Variants in PTPRM observed in about 807,000 individuals in gnomAD.
PTPRM encodes the protein receptor-type tyrosine-protein phosphatase mu.
A neutral mutation model predicts 186.7 loss-of-function variants in PTPRM; 47 were observed. The ratio of observed to expected loss-of-function variants is 0.25; its 90% CI spans 0.20 to 0.32. The LOEUF is 0.32. Among genes scored for constraint, PTPRM ranks in the 10% least tolerant of loss-of-function variants. The probability of loss-of-function intolerance (pLI) is 1.00; values close to 1 mark genes in which losing one functional copy is unlikely to be tolerated. For missense variants in PTPRM, 1,494 were observed against 1,865.0 expected, an observed-to-expected ratio of 0.80 and a Z score of 3.66; for synonymous variants, 668 against 674.9, an observed-to-expected ratio of 0.99 and a Z score of 0.16.
intron 22 of PTPRM, among the ~76,000 whole-genome samples, chr18:8,326,087 A>T (rs1252264298): frequency 6.6e-6 from 1 of 152,140 alleles, no homozygotes; most frequent in Non-Finnish European, 1.5e-5. Flanking sequence ...CCTTTGTTGG[A>T]TGCATAGTTT....
intron 2 of PTPRM, among the ~76,000 whole-genome samples, chr18:7,858,090 G>T (rs2047178383): frequency 6.6e-6 from 1 of 152,070 alleles, no homozygotes; most frequent in Non-Finnish European, 1.5e-5. Context: ...GTTCATCATA[G>T]ATCTTATTAA....
intron 19 of PTPRM, among the ~76,000 whole-genome samples, chr18:8,281,152 G>A (rs753344974): frequency 2.6e-5 from 4 of 152,210 alleles, no homozygotes; most frequent in Non-Finnish European, 4.4e-5. Context: ...CGCAGCGGGC[G>A]TAGAAGCCAG....
chr18:8,381,122 G>A (rs767712669), intron 29 of PTPRM, among the ~76,000 whole-genome samples: 13 of 152,186 alleles, frequency 8.5e-5, no homozygotes, highest in Non-Finnish European at 1.8e-4. Context: ...ATTGGACAGT[G>A]ATGACTCAAT....
intron 7 of PTPRM, among the ~76,000 whole-genome samples, chr18:8,068,116 G>A (rs1421344621): frequency 6.6e-6 from 1 of 152,040 alleles, no homozygotes; most frequent in Non-Finnish European, 1.5e-5. Context: ...CAATTTTTAT[G>A]TCTATATATT....
intron 14 of PTPRM, among the ~76,000 whole-genome samples, chr18:8,228,513 G>GTA (rs2094243444): frequency 6.6e-6 from 1 of 152,062 alleles, no homozygotes; most frequent in African/African-American, 2.4e-5. Flanking sequence ...ATATGTGTGT[G>GTA]TATATGTATT....
chr18:7,769,205 G>T (rs2042159418), intron 1 of PTPRM, among the ~76,000 whole-genome samples: 1 of 152,026 alleles, frequency 6.6e-6, no homozygotes, highest in African/African-American at 2.4e-5. Flanking sequence ...GTATCTTCTT[G>T]GTCTCCAGTT....
intron 1 of PTPRM, among the ~76,000 whole-genome samples, chr18:7,576,336 T>A (rs902036514): frequency 6.6e-6 from 1 of 152,144 alleles, no homozygotes; most frequent in Non-Finnish European, 1.5e-5. Context: ...TTAGTGTGGG[T>A]TACTCTGGGA....
At chr18:8,129,946 C>T (rs574811472) in intron 13 of PTPRM, among the ~76,000 whole-genome samples, 27 of 152,236 alleles carry the variant, frequency 1.8e-4, no homozygotes, top group Non-Finnish European at 3.8e-4. Flanking sequence ...AGGAGATGCA[C>T]CTCATTTGCC....
At chr18:8,094,240 G>A (rs1445349509) in intron 11 of PTPRM, among the ~76,000 whole-genome samples, 3 of 152,072 alleles carry the variant, frequency 2.0e-5, no homozygotes, top group African/African-American at 7.2e-5. Flanking sequence ...AGGTGCAGTG[G>A]CCCATGACTG....
At chr18:8,049,811 A>C (rs2087343602) in intron 7 of PTPRM, among the ~76,000 whole-genome samples, 1 of 151,648 alleles carries the variant, frequency 6.6e-6, no homozygotes, top group African/African-American at 2.4e-5. Flanking sequence ...TCTCAGGTTC[A>C]TGTGATTCTC....
intron 10 of PTPRM, 46 bp from the exon 11 acceptor site, chr18:8,088,703 A>G (rs1037749526): frequency 1.4e-5 from 21 of 1,448,950 alleles, no homozygotes; most frequent in Non-Finnish European, 1.8e-5. Context: ...AACTGAGAAG[A>G]TAAACCAGAA....
At chr18:8,071,391 TG>T (rs2089465370) in intron 8 of PTPRM, among the ~76,000 whole-genome samples, 1 of 152,236 alleles carries the variant, frequency 6.6e-6, no homozygotes, top group Admixed American at 6.5e-5. Context: ...TATTTTATGC[TG>T]AAATTTCTAT....
chr18:7,888,767 G>T (rs1161970536), intron 3 of PTPRM, among the ~76,000 whole-genome samples: 1 of 152,034 alleles, frequency 6.6e-6, no homozygotes, highest in African/African-American at 2.4e-5. Flanking sequence ...AAAAAACATG[G>T]TACATACACA....
intron 1 of PTPRM, among the ~76,000 whole-genome samples, chr18:7,688,176 T>C (rs2039651289): frequency 6.6e-6 from 1 of 152,188 alleles, no homozygotes; most frequent in African/African-American, 2.4e-5. Context: ...TATCTGCTAG[T>C]GTAAGCTACT....
intron 32 of PTPRM, among the ~76,000 whole-genome samples, chr18:8,394,997 A>G (rs918355227): frequency 9.8e-5 from 15 of 152,342 alleles, no homozygotes; most frequent in Non-Finnish European, 1.6e-4. Flanking sequence ...ATCGCCTAAT[A>G]TTTATCAAAG....
At chr18:8,349,540 G>A (rs553678730) in intron 23 of PTPRM, among the ~76,000 whole-genome samples, 6 of 152,044 alleles carry the variant, frequency 3.9e-5, no homozygotes, top group African/African-American at 7.2e-5. Flanking sequence ...TCATCCTTTC[G>A]CCTATCATAG....
At chr18:7,617,541 G>A (rs565192162) in intron 1 of PTPRM, among the ~76,000 whole-genome samples, 11 of 152,254 alleles carry the variant, frequency 7.2e-5, no homozygotes, top group Admixed American at 2.0e-4. Flanking sequence ...GAGTCAGATA[G>A]TGTCTTCTTA....
At chr18:7,994,322 A>G (rs1273589318) in intron 7 of PTPRM, among the ~76,000 whole-genome samples, 1 of 151,796 alleles carries the variant, frequency 6.6e-6, no homozygotes. Context: ...CAAGATATAT[A>G]AAGCAAATAT....
Position 8,069,779 on chromosome 18 carries a change from G to A in PTPRM, c.1226G>A (p.Arg409His), listed in dbSNP as rs1478345370. The part of the protein sequence containing the change: ...RWEPFGYNVT[R>H]CHSYNLTVHY... ...GAGCCATTTGGATATAATGTAACTC[G>A]TTGCCACAGTTATAATCTCACTGTC... The change falls in exon 8 of 33, where the codon CGT becomes CAT. Residue 409 changes from arginine to histidine, a missense_variant. By Grantham distance (29) the Arg-to-His change is conservative. Transcript: ENST00000580170. The A allele has an allele frequency of 4.3e-6, 7 of 1,613,702 alleles. No individual in the cohort carries two copies. Among genetic ancestry groups the A allele is most frequent in the Non-Finnish European group, 5.9e-6 (7 of 1,179,610 alleles).
Sources: allele counts gnomAD v4.1 joint callset (sites outside exome capture counted in the v4.1 genomes callset), GRCh38; gene constraint gnomAD v4.1.1; transcripts MANE v1.5; gene names NCBI Gene and HGNC (gene_info 2026-07-23, HGNC 2026-07-21).